LRRFIP2: variants seen among roughly 807,000 people sequenced by gnomAD.
LRRFIP2 encodes the protein LRR binding FLII interacting protein 2.
In LRRFIP2, 109 loss-of-function variants were observed where a neutral mutation model predicts 125.9. That is an observed-to-expected ratio of 0.87 (90% CI 0.74 to 1.01). The LOEUF is 1.01. Among genes scored for constraint, LRRFIP2 ranks in the 50% least tolerant of loss-of-function variants. The pLI is 0.00. For missense variants in LRRFIP2, 850 were observed against 862.3 expected, an observed-to-expected ratio of 0.99 and a Z score of 0.18; for synonymous variants, 291 against 293.1, an observed-to-expected ratio of 0.99 and a Z score of 0.07.
At position 37,127,619 on chromosome 3, in the gene LRRFIP2, T is replaced by C. The variant is rs764160168; in HGVS notation, c.228+11A>G. 52 of 1,612,780 alleles carry C rather than the reference T, an allele frequency of 3.2e-5. No individual in the cohort carries two copies. Among genetic ancestry groups the C allele is most frequent in the Non-Finnish European group, 2.1e-5 (25 of 1,178,922 alleles). On this transcript the variant is annotated intron_variant, in intron 4 of 27. Coordinates refer to ENST00000336686, the MANE Select transcript of LRRFIP2 (RefSeq NM_006309.4). Reference sequence around the variant, plus strand: ...TGATCACAACATGCAGGACAGGCAATACTGGCCTACCAGCCACTTCTGAAT... The same window carrying C: ...TGATCACAACATGCAGGACAGGCAACACTGGCCTACCAGCCACTTCTGAAT...
rs78579002 is a variant in LRRFIP2 at position 37,134,585 on chromosome 3, G to A, written c.91-5436C>T. The A allele has an allele frequency of 4.2e-4, 216 of 519,476 alleles. 1 individual carries two copies. Among genetic ancestry groups the A allele is most frequent in the Non-Finnish European group, 7.4e-4 (196 of 263,346 alleles). 32.2% of individuals were successfully genotyped at this position (519,476 alleles called of 1,614,324 possible). On this transcript the variant is annotated intron_variant, in intron 2 of 27. Transcript: ENST00000336686. ...TGAGACAATGCTGTCCCACCTCCGG[G>A]ATAACCAGGAGTTTTGGCCAGACTT... is the stretch of plus-strand genomic sequence containing the variant.
intron 19 of LRRFIP2, among the ~76,000 whole-genome samples, chr3:37,075,515 T>C (rs951949388): frequency 2.6e-5 from 4 of 152,050 alleles, no homozygotes; most frequent in African/African-American, 9.7e-5. Context: ...CAAAAACCTA[T>C]ATGAGGAAAA....
At chr3:37,096,850 G>C (rs1204861111) in intron 15 of LRRFIP2, among the ~76,000 whole-genome samples, 190 bp from the exon 16 acceptor site, 1 of 151,980 alleles carries the variant, frequency 6.6e-6, no homozygotes, top group Non-Finnish European at 1.5e-5. Context: ...TTTATCCTAA[G>C]GGAGACACTG....
rs186445461 is a variant in LRRFIP2 at position 37,167,501 on chromosome 3, A to G, written c.-56+7038T>C. Reference sequence around the variant, plus strand: ...AAACCCCGTCTCTACTGAAAATACGAAAATTAGCCGGGCGTGGTGGCGGGT... The same window carrying G: ...AAACCCCGTCTCTACTGAAAATACGGAAATTAGCCGGGCGTGGTGGCGGGT... On this transcript the variant is annotated intron_variant, in intron 1 of 27. Coordinates refer to ENST00000336686, the MANE Select transcript of LRRFIP2 (RefSeq NM_006309.4). Among the ~76,000 whole-genome samples, 99 of 151,794 alleles carry G rather than the reference A, an allele frequency of 6.5e-4. 2 individuals are homozygous for G. In the East Asian group the frequency reaches 0.019, roughly 29 times the overall value.
At chr3:37,121,898 A>G (rs901248705) in intron 4 of LRRFIP2, among the ~76,000 whole-genome samples, 1 of 149,652 alleles carries the variant, frequency 6.7e-6, no homozygotes, top group Non-Finnish European at 1.5e-5. Context: ...AAGTTTCAAT[A>G]TAGCAGTACT....
Position 37,121,507 on chromosome 3 carries a change from A to T in LRRFIP2, c.315T>A (p.Ser105Arg). The T allele has an allele frequency of 6.2e-7, 1 of 1,614,094 alleles. No homozygotes were observed. The highest frequency in any genetic ancestry group is 8.5e-7 in the Non-Finnish European group (1 of 1,179,938). ...AAATACCAACCCTGTGACTGCCAAC[A>T]CTTCGAATGGACAATGCATCCTCAA... is the stretch of plus-strand genomic sequence containing the variant. ...LGVEDALSIR[S>R]VGSHRYDMFK... The change falls in exon 6 of 28, where the codon AGT becomes AGA. Residue 105 changes from serine to arginine, a missense_variant. Coordinates refer to ENST00000336686, the MANE Select transcript of LRRFIP2 (RefSeq NM_006309.4).
rs544209328 is a variant in LRRFIP2 at position 37,098,059 on chromosome 3, GA to G, written c.874-1400del. 3.6e-3 allele frequency among the ~76,000 whole-genome samples: 541 copies of G among 151,918 alleles called. 2 individuals are homozygous for G. The highest frequency in any genetic ancestry group is 0.012 in the African/African-American group (508 of 41,496). On this transcript the variant is annotated intron_variant, in intron 15 of 27. Coordinates refer to ENST00000336686, the MANE Select transcript of LRRFIP2 (RefSeq NM_006309.4). Reference sequence around the variant, plus strand: ...ACTTCACCCTAACTTCCACATATCTGAAAGTTTTTAGTGTTCTTTTTATTAC... The same window carrying G: ...ACTTCACCCTAACTTCCACATATCTGAAGTTTTTAGTGTTCTTTTTATTAC...
chr3:37,175,727 C>G (rs1244928494), upstream of LRRFIP2: 1 of 152,354 alleles, frequency 6.6e-6, no homozygotes, highest in East Asian at 1.9e-4. Context: ...CGTAGTGTGG[C>G]GTCTAAGGAG....
chr3:37,143,925 C>A (rs1007174299), intron 2 of LRRFIP2: 11 of 152,904 alleles, frequency 7.2e-5, no homozygotes, highest in African/African-American at 2.7e-4. Context: ...TCAAGCTCTG[C>A]AACCTCTTTA....
intron 1 of LRRFIP2, among the ~76,000 whole-genome samples, chr3:37,153,817 C>T (rs1467889407): frequency 1.3e-5 from 2 of 152,072 alleles, no homozygotes; most frequent in Admixed American, 1.3e-4. Context: ...ACAGAGAACA[C>T]CTAGGTTTTT....
At chr3:37,173,963 G>A (rs528710991) in intron 1 of LRRFIP2, among the ~76,000 whole-genome samples, 7 of 152,270 alleles carry the variant, frequency 4.6e-5, no homozygotes, top group Admixed American at 3.3e-4. Flanking sequence ...TGTCAGTTAC[G>A]GTGATTTCCA....
intron 15 of LRRFIP2, among the ~76,000 whole-genome samples, chr3:37,098,555 AT>A (rs911185792): frequency 2.7e-5 from 4 of 150,266 alleles, no homozygotes; most frequent in Non-Finnish European, 5.9e-5. Context: ...CGCCCGGCTA[AT>A]TTTTTTTTGT....
At chr3:37,102,613 C>T (rs2094123860) in intron 15 of LRRFIP2, among the ~76,000 whole-genome samples, 1 of 151,144 alleles carries the variant, frequency 6.6e-6, no homozygotes, top group South Asian at 2.1e-4. Flanking sequence ...ATATTCCTGC[C>T]TCAGCCTCCA....
At chr3:37,143,063 T>C (rs561232667) in intron 2 of LRRFIP2, among the ~76,000 whole-genome samples, 1 of 152,232 alleles carries the variant, frequency 6.6e-6, no homozygotes, top group East Asian at 1.9e-4. Flanking sequence ...CGCCATATGA[T>C]GTGCCTGCTC....
At chr3:37,143,091 A>G (rs1449720486) in intron 2 of LRRFIP2, among the ~76,000 whole-genome samples, 1 of 152,112 alleles carries the variant, frequency 6.6e-6, no homozygotes. Flanking sequence ...ACCTTCCACC[A>G]TGAGTAAAAG....
Position 37,053,707 on chromosome 3 carries a change from C to G in LRRFIP2, c.*144G>C. On this transcript the variant is annotated 3_prime_UTR_variant, in exon 28 of 28. Transcript: ENST00000336686. ...CATGTAGATTCAAAATGACTTCATT[C>G]TGTCATAAATTATAAAATACAAAGG... 2 of 609,644 alleles carry G rather than the reference C, an allele frequency of 3.3e-6. No homozygotes were observed. Among genetic ancestry groups the G allele is most frequent in the Non-Finnish European group, 6.0e-6 (2 of 335,696 alleles). 37.8% of individuals were successfully genotyped at this position (609,644 alleles called of 1,614,324 possible).
At position 37,083,667 on chromosome 3, in the gene LRRFIP2, T is replaced by A. The variant is rs2092817796; in HGVS notation, c.1247A>T (p.Glu416Val). ...VIEEQEEQMA[E>V]FYRENEEKSK... The stretch of plus-strand genomic sequence containing the variant: ...TTTTTCTTCATTTTCTCTATAAAAT[T>A]CTGCCATCTGTTCCTCCTGCTCTTC... Residue 416 changes from glutamate (E) to valine (V), a missense_variant, in exon 19 of 28, where the codon GAA (glutamate) becomes GTA (valine). By Grantham distance (121) the Glu-to-Val change is moderately radical. Coordinates refer to ENST00000336686, the MANE Select transcript of LRRFIP2 (RefSeq NM_006309.4). 1 of 1,566,292 alleles carries A rather than the reference T, an allele frequency of 6.4e-7. No individual in the cohort carries two copies. The highest frequency in any genetic ancestry group is 1.4e-5 in the African/African-American group (1 of 71,500).
chr3:37,139,046 T>C (rs1021008323), intron 2 of LRRFIP2, among the ~76,000 whole-genome samples: 1 of 152,202 alleles, frequency 6.6e-6, no homozygotes, highest in Non-Finnish European at 1.5e-5. Flanking sequence ...ATCTAGCAGG[T>C]AGCATACACT....
At chr3:37,142,636 G>T (rs970323646) in intron 2 of LRRFIP2, among the ~76,000 whole-genome samples, 7 of 152,190 alleles carry the variant, frequency 4.6e-5, no homozygotes, top group Middle Eastern at 6.8e-3. Context: ...ATGTAGATAG[G>T]GCCAACATTC....
Sources: gnomAD v4.1 joint callset for allele counts (sites outside exome capture counted in the v4.1 genomes callset) on GRCh38, gnomAD v4.1.1 for gene constraint, MANE v1.5 for transcripts, NCBI Gene and HGNC (gene_info 2026-07-23, HGNC 2026-07-21) for gene names.